Variants in SIK2 observed in about 807,000 individuals in gnomAD.
The protein encoded by SIK2 is salt inducible kinase 2, also known as serine/threonine-protein kinase SIK2.
SIK2 carries 29 observed loss-of-function variants against 103.2 expected under a neutral mutation model. The ratio of observed to expected loss-of-function variants is 0.28; its 90% CI spans 0.21 to 0.38. SIK2 has a LOEUF of 0.38. Among genes scored for constraint, SIK2 ranks in the 10% least tolerant of loss-of-function variants. SIK2 has a pLI of 1.00. For synonymous variants in SIK2, 412 were observed against 446.1 expected (o/e 0.92, Z 0.96); for missense variants, 879 against 1,171.0 (o/e 0.75, Z 3.64).
chr11:111,640,797 C>T (rs2135855840), intron 3 of SIK2, among the ~76,000 whole-genome samples: 1 of 124,044 alleles, frequency 8.1e-6, no homozygotes, highest in African/African-American at 3.1e-5. Context: ...TGCAGTGGCG[C>T]GATCTCAGCT....
intron 3 of SIK2, among the ~76,000 whole-genome samples, 174 bp from the exon 4 acceptor site, chr11:111,687,827 G>C (rs961641840): frequency 6.6e-6 from 1 of 151,824 alleles, no homozygotes; most frequent in Admixed American, 6.6e-5. Context: ...GGATGGTCTC[G>C]ATCTCCTGAC....
rs375312233 is a variant in SIK2 at position 111,723,581 on chromosome 11, C to G, written c.2233C>G (p.Pro745Ala). 6.8e-6 allele frequency: 11 copies of G among 1,614,230 alleles called. No individual in the cohort carries two copies. The African/African-American group carries it at 1.5e-4, about 22-fold the overall frequency. ...GATGCAGATAGCAGAGAGCTCCTAC[C>G]CACAGCCAAGTCAGCAGCTGCCCCT... is the stretch of plus-strand genomic sequence containing the variant. ...NQMQIAESSYPQPSQQLPLPR... is the reference protein window; with the variant it reads ...NQMQIAESSYAQPSQQLPLPR... Residue 745 changes from proline to alanine, a missense_variant, in exon 15 of 15, where the codon CCA (proline) becomes GCA (alanine). This residue lies in a region of SIK2 where 375 missense variants were observed against 416.3 expected (regional missense o/e 0.90). Transcript: ENST00000304987.
intron 3 of SIK2, among the ~76,000 whole-genome samples, chr11:111,621,894 C>T (rs1187255610): frequency 6.6e-6 from 1 of 151,728 alleles, no homozygotes; most frequent in African/African-American, 2.4e-5. Flanking sequence ...GCCTGGGCAA[C>T]AGAGTGAGAT....
rs377495584 is a variant in SIK2, at chr11:111,696,758, CAT to C, written c.479-4127_479-4126del. On this transcript the variant is annotated intron_variant, in intron 4 of 14. Coordinates refer to ENST00000304987, the MANE Select transcript of SIK2 (RefSeq NM_015191.3). ...ACTTCTGTGTTTGTACAGTGGTTGA[CAT>C]GTGTATGGAATGCTGATGTTTAATG... is the stretch of plus-strand genomic sequence containing the variant. 3.2e-3 allele frequency among the ~76,000 whole-genome samples: 482 copies of C among 152,256 alleles called. 3 individuals are homozygous for C. The highest frequency in any genetic ancestry group is 0.011 in the African/African-American group (460 of 41,526).
intron 4 of SIK2, among the ~76,000 whole-genome samples, chr11:111,698,280 C>T (rs756787842): frequency 1.3e-5 from 2 of 152,180 alleles, no homozygotes; most frequent in Non-Finnish European, 2.9e-5. Context: ...AGAAGTGTTC[C>T]CAGCTCTTGT....
At chr11:111,633,903 A>T (rs1942070991) in intron 3 of SIK2, among the ~76,000 whole-genome samples, 1 of 151,966 alleles carries the variant, frequency 6.6e-6, no homozygotes. Flanking sequence ...CCTTAACTAC[A>T]TTTTTTCCTC....
chr11:111,677,066 G>A (rs1034035612), intron 3 of SIK2, among the ~76,000 whole-genome samples: 1 of 152,154 alleles, frequency 6.6e-6, no homozygotes, highest in African/African-American at 2.4e-5. Flanking sequence ...GTCCTGGAGC[G>A]ATGATAAAAA....
intron 3 of SIK2, among the ~76,000 whole-genome samples, chr11:111,666,007 ATG>A (rs1054803158): frequency 4.6e-5 from 7 of 152,168 alleles, no homozygotes; most frequent in African/African-American, 1.4e-4. Context: ...ACGCTTTACA[ATG>A]TGTGTGACTA....
chr11:111,605,954 A>G (rs771445398), intron 1 of SIK2, among the ~76,000 whole-genome samples: 9 of 152,192 alleles, frequency 5.9e-5, no homozygotes, highest in Non-Finnish European at 1.3e-4. Context: ...ACGCTTTGCA[A>G]AGGCTTTGTA....
rs761562349 is a variant in SIK2 at position 111,651,642 on chromosome 11, G to T, written c.316+31240G>T. 3.2e-4 allele frequency among the ~76,000 whole-genome samples: 49 copies of T among 152,288 alleles called. 1 individual carries two copies. Among genetic ancestry groups the T allele is most frequent in the Non-Finnish European group, 6.2e-4 (42 of 68,016 alleles). On this transcript the variant is annotated intron_variant, in intron 3 of 14. Coordinates refer to ENST00000304987, the MANE Select transcript of SIK2 (RefSeq NM_015191.3). ...AAACCACCATGGCACACGTTTACCT[G>T]TGTAACAAACCTGCACATCCTGCAC...
chr11:111,693,060 G>T (rs892333297), intron 4 of SIK2, among the ~76,000 whole-genome samples: 1 of 152,088 alleles, frequency 6.6e-6, no homozygotes, highest in African/African-American at 2.4e-5. Flanking sequence ...CAGGCCGGGC[G>T]CAGTGGCTCA....
rs1287780904 is a variant in SIK2 at position 111,722,127 on chromosome 11, G to T, written c.2055+187G>T. Among the ~76,000 whole-genome samples, 1 of 152,186 alleles carries T rather than the reference G, an allele frequency of 6.6e-6. No homozygotes were observed. Among genetic ancestry groups the T allele is most frequent in the African/African-American group, 2.4e-5 (1 of 41,442 alleles). On this transcript the variant is annotated intron_variant, in intron 13 of 14. Transcript: ENST00000304987. The surrounding 1 kb of genome is among the most constrained non-coding windows in gnomAD (Gnocchi z 4.4). Reference sequence around the variant, plus strand: ...CAGATCTAGCTTTGTGCTGTGTGTTGGTGGTGGGAAAGGCTTTGTCCTCAA... The same window carrying T: ...CAGATCTAGCTTTGTGCTGTGTGTTTGTGGTGGGAAAGGCTTTGTCCTCAA...
chr11:111,612,731 C>G (rs1482753522), intron 1 of SIK2, among the ~76,000 whole-genome samples: 2 of 152,094 alleles, frequency 1.3e-5, no homozygotes, highest in African/African-American at 4.8e-5. Flanking sequence ...CTGCATTCAT[C>G]TAGTTCTGCT....
rs1252536936 is a variant in SIK2 at position 111,722,018 on chromosome 11, G to C, written c.2055+78G>C. The C allele has an allele frequency of 6.0e-6, 7 of 1,159,640 alleles. No homozygotes were observed. Among genetic ancestry groups the C allele is most frequent in the Non-Finnish European group, 8.3e-6 (7 of 844,478 alleles). The allele number at this position is 1,159,640 out of a possible 1,614,324, so 71.8% of individuals were successfully genotyped here. A position where few individuals can be genotyped will look rare whatever the true frequency, so the allele number is the denominator to read the frequency against. ...CTTCTGCAAAGCAGAAACGTGTTTT[G>C]CCTGGCATTTATTTAGGGTAGCTGC... On this transcript the variant is annotated intron_variant, in intron 13 of 14. Coordinates refer to ENST00000304987, the MANE Select transcript of SIK2 (RefSeq NM_015191.3). This position sits in a 1 kb window ranked among gnomAD's most constrained non-coding sequence, Gnocchi z 4.4.
At chr11:111,618,547 C>T (rs1327881855) in intron 2 of SIK2, among the ~76,000 whole-genome samples, 1 of 152,048 alleles carries the variant, frequency 6.6e-6, no homozygotes, top group Non-Finnish European at 1.5e-5. Flanking sequence ...CATGTAGTCC[C>T]AGCTACTGGG....
At chr11:111,631,625 T>C (rs2135849166) in intron 3 of SIK2, among the ~76,000 whole-genome samples, 1 of 152,296 alleles carries the variant, frequency 6.6e-6, no homozygotes, top group Non-Finnish European at 1.5e-5. Context: ...TCAAGTACTT[T>C]AAGGGAACAA....
chr11:111,615,545 G>A lies in SIK2; in HGVS notation c.136-698G>A, dbSNP rs372776742. Among the ~76,000 whole-genome samples, 141 of 151,886 alleles carry A rather than the reference G, an allele frequency of 9.3e-4. No homozygotes were observed. The South Asian group carries it at 0.014, about 15-fold the overall frequency. On this transcript the variant is annotated intron_variant, in intron 1 of 14. Coordinates refer to ENST00000304987, the MANE Select transcript of SIK2 (RefSeq NM_015191.3). ...AAAATGTGTGTAATCATTGATTTCT[G>A]CCTACCTAGTCATTCACCTTCATAT...
chr11:111,615,525 G>T (rs1399424641), intron 1 of SIK2, among the ~76,000 whole-genome samples: 11 of 152,008 alleles, frequency 7.2e-5, no homozygotes, highest in Non-Finnish European at 1.5e-4. Context: ...TGAAAAAAAT[G>T]TGTGTAATCA....
chr11:111,715,726 C>G (rs1241711312), intron 9 of SIK2, among the ~76,000 whole-genome samples: 2 of 148,510 alleles, frequency 1.3e-5, no homozygotes, highest in Non-Finnish European at 3.0e-5. Flanking sequence ...AAATCTACTT[C>G]AAGTATCTCT....
Sources: gnomAD v4.1 joint callset for allele counts (sites outside exome capture counted in the v4.1 genomes callset) on GRCh38, gnomAD v4.1.1 for gene constraint, gnomAD v4.1.1 regional missense constraint, Gnocchi (gnomAD v3.1) non-coding constraint, MANE v1.5 for transcripts, NCBI Gene and HGNC (gene_info 2026-07-23, HGNC 2026-07-21) for gene names.